Variants in SNX25 observed in about 807,000 individuals in gnomAD.
The protein encoded by SNX25 is sorting nexin-25.
A neutral mutation model predicts 113.7 loss-of-function variants in SNX25; 62 were observed. The ratio of observed to expected loss-of-function variants is 0.55; its 90% CI spans 0.44 to 0.67. The LOEUF is 0.67. SNX25 is among the 30% of genes least tolerant of loss of function. SNX25 has a pLI of 0.00. For synonymous variants in SNX25, 421 were observed against 436.2 expected, an observed-to-expected ratio of 0.97 and a Z score of 0.43; for missense variants, 1,014 against 1,161.0, an observed-to-expected ratio of 0.87 and a Z score of 1.84.
Position 185,363,351 on chromosome 4 carries a change from AT to A in SNX25, c.2935-29del, listed in dbSNP as rs753402272. On this transcript the variant is annotated intron_variant, in intron 18 of 18. Transcript: ENST00000652585. This position sits in a 1 kb window ranked among gnomAD's most constrained non-coding sequence, Gnocchi z 4.2. ...TTTGAATAAACCCTTGGAGAAAAAC[AT>A]TTTTCCACTTTTTTCCTTCTTTGTT... is the stretch of plus-strand genomic sequence containing the variant. The A allele has an allele frequency of 6.2e-7, 1 of 1,607,692 alleles. No individual in the cohort carries two copies. Among genetic ancestry groups the A allele is most frequent in the Non-Finnish European group, 8.5e-7 (1 of 1,174,820 alleles).
chr4:185,212,491 G>GTGTGTTTGTTTT (rs546083196), intron 1 of SNX25, among the ~76,000 whole-genome samples: 1 of 104,944 alleles, frequency 9.5e-6, no homozygotes, highest in African/African-American at 3.7e-5. Context: ...GTGTGTGTGT[G>GTGTGTTTGTTTT]TTTTTTTTTT....
Position 185,275,954 on chromosome 4 carries a change from G to T in SNX25, c.1091+8799G>T, listed in dbSNP as rs189784686. ...GCTGTTTATGAAAAATACTCTAAAA[G>T]ATCTTTCAGTTTTATGAGAAAAGTT... On this transcript the variant is annotated intron_variant, in intron 5 of 18. Coordinates refer to ENST00000652585, the MANE Select transcript of SNX25 (RefSeq NM_001378034.2). 2.0e-5 allele frequency among the ~76,000 whole-genome samples: 3 copies of T among 152,264 alleles called. No homozygotes were observed. In the East Asian group the frequency reaches 5.8e-4, roughly 29 times the overall value.
At chr4:185,255,712 C>T (rs528818167) in intron 2 of SNX25, among the ~76,000 whole-genome samples, 27 of 152,286 alleles carry the variant, frequency 1.8e-4, no homozygotes, top group African/African-American at 5.8e-4. Context: ...TGCAGGACTA[C>T]AGTGTGCTGA....
At chr4:185,323,414 C>A in intron 8 of SNX25, 114 bp from the exon 9 acceptor site, 1 of 939,554 alleles carries the variant, frequency 1.1e-6, no homozygotes, top group South Asian at 1.7e-5. Flanking sequence ...TTCTACATAC[C>A]AGGGTGCATC....
intron 5 of SNX25, among the ~76,000 whole-genome samples, chr4:185,278,276 G>T (rs1226579969): frequency 6.6e-6 from 1 of 152,170 alleles, no homozygotes; most frequent in Non-Finnish European, 1.5e-5. Flanking sequence ...TCAACTTATG[G>T]CAATCAGTCA....
chr4:185,304,548 G>A (rs994580400), intron 6 of SNX25, among the ~76,000 whole-genome samples: 3 of 152,030 alleles, frequency 2.0e-5, no homozygotes, highest in Non-Finnish European at 2.9e-5. Context: ...GTAGAGAAGG[G>A]GTTTCTCCAT....
intron 5 of SNX25, among the ~76,000 whole-genome samples, chr4:185,271,937 T>C (rs1304571574): frequency 6.6e-6 from 1 of 152,258 alleles, no homozygotes; most frequent in Non-Finnish European, 1.5e-5. Context: ...CCTTCAAATA[T>C]ACTAAATTAG....
At chr4:185,295,965 G>T (rs994222453) in intron 6 of SNX25, 2 of 152,150 alleles carry the variant, frequency 1.3e-5, no homozygotes, top group African/African-American at 4.8e-5. Context: ...ATAAAGAAGA[G>T]AAATTTATTT....
chr4:185,271,512 G>A (rs1478075948), intron 5 of SNX25, among the ~76,000 whole-genome samples: 1 of 152,186 alleles, frequency 6.6e-6, no homozygotes, highest in East Asian at 1.9e-4. Flanking sequence ...GTCTCTCAAA[G>A]TGCTGGAATT....
chr4:185,294,820 C>T (rs1324101827), intron 6 of SNX25, among the ~76,000 whole-genome samples: 1 of 146,076 alleles, frequency 6.8e-6, no homozygotes, highest in Non-Finnish European at 1.5e-5. Context: ...AGTACGGATA[C>T]TTTTTTTTTT....
At chr4:185,347,048 T>G (rs1384890681) in intron 13 of SNX25, among the ~76,000 whole-genome samples, 1 of 152,248 alleles carries the variant, frequency 6.6e-6, no homozygotes, top group Non-Finnish European at 1.5e-5. Flanking sequence ...GTTTCTGACT[T>G]CTTTCACTCA....
At chr4:185,332,229 C>T (rs2126706554) in intron 9 of SNX25, among the ~76,000 whole-genome samples, 1 of 152,200 alleles carries the variant, frequency 6.6e-6, no homozygotes, top group Non-Finnish European at 1.5e-5. Context: ...CTGGAAAGAA[C>T]CCAAATGTCA....
chr4:185,206,458 C>CG (rs1406653867), upstream of SNX25, among the ~76,000 whole-genome samples: 18 of 147,532 alleles, frequency 1.2e-4, no homozygotes, highest in African/African-American at 4.3e-4. Context: ...ATCCTGAGGT[C>CG]GGGGGGTTGA....
At chr4:185,339,175 G>A (rs112059211) in intron 10 of SNX25, among the ~76,000 whole-genome samples, 1,859 of 151,948 alleles carry the variant, frequency 0.012, 37 homozygotes, top group African/African-American at 0.042. Flanking sequence ...GAATTATTTC[G>A]CTTCCTTGTT....
downstream of SNX25, chr4:185,365,689 A>AT (rs1446001297): frequency 2.4e-3 from 353 of 146,406 alleles, 1 homozygote; most frequent in African/African-American, 8.6e-3. Context: ...CAAAAAAAAA[A>AT]AAATAATAAT....
intron 1 of SNX25, among the ~76,000 whole-genome samples, chr4:185,217,256 A>G (rs997839808): frequency 1.5e-4 from 3 of 20,604 alleles, no homozygotes; most frequent in South Asian, 1.5e-3. Flanking sequence ...GTGTCTTGGG[A>G]AAAAAAAAAG....
intron 6 of SNX25, among the ~76,000 whole-genome samples, chr4:185,307,017 A>G (rs1754562223): frequency 6.6e-6 from 1 of 152,244 alleles, no homozygotes; most frequent in Admixed American, 6.5e-5. Context: ...GATGTCTGAT[A>G]ATACCTGACA....
At chr4:185,285,753 G>A (rs1387538551) in intron 5 of SNX25, among the ~76,000 whole-genome samples, 3 of 152,054 alleles carry the variant, frequency 2.0e-5, no homozygotes, top group Non-Finnish European at 2.9e-5. Flanking sequence ...TCTTCTTACT[G>A]CATCATCCTT....
At chr4:185,275,034 G>C (rs1357241548) in intron 5 of SNX25, among the ~76,000 whole-genome samples, 2 of 152,136 alleles carry the variant, frequency 1.3e-5, no homozygotes, top group African/African-American at 4.8e-5. Flanking sequence ...TGTGAGTCTC[G>C]GCTGGCACTA....
Sources: gnomAD v4.1 joint callset for allele counts (sites outside exome capture counted in the v4.1 genomes callset) on GRCh38, gnomAD v4.1.1 for gene constraint, Gnocchi (gnomAD v3.1) non-coding constraint, MANE v1.5 for transcripts, NCBI Gene and HGNC (gene_info 2026-07-23, HGNC 2026-07-21) for gene names.